The following PHKA1 variants were observed in gnomAD, a reference collection of about 807,000 sequenced individuals.
PHKA1 encodes the protein phosphorylase kinase regulatory subunit alpha 1.
In PHKA1, 60 loss-of-function variants were observed where a neutral mutation model predicts 110.2. The observed-to-expected ratio is 0.54, with a 90% CI of 0.44 to 0.68. The LOEUF (loss-of-function observed/expected upper bound fraction) is 0.68, where lower values mean the gene tolerates loss of function less well. Among genes scored for constraint, PHKA1 ranks in the 30% least tolerant of loss-of-function variants. PHKA1 has a pLI of 0.00. For missense variants in PHKA1, 801 were observed against 942.5 expected, an observed-to-expected ratio of 0.85 and a Z score of 1.97; for synonymous variants, 316 against 333.6, an observed-to-expected ratio of 0.95 and a Z score of 0.58.
chrX:72,605,926 C>T (rs1386747829), intron 23 of PHKA1, among the ~76,000 whole-genome samples: 1 of 112,391 alleles, frequency 8.9e-6, no homozygotes, highest in African/African-American at 3.2e-5. Flanking sequence ...TAGCTTTGAA[C>T]ATTTGACAAG....
intron 17 of PHKA1, among the ~76,000 whole-genome samples, chrX:72,626,755 G>A (rs1193758466): frequency 2.7e-5 from 3 of 111,081 alleles, no homozygotes; most frequent in African/African-American, 1.0e-4. Context: ...TAAAAGTTAT[G>A]TGAACGTAGT....
chrX:72,665,237 A>T (rs960493123), intron 8 of PHKA1, among the ~76,000 whole-genome samples: 1 of 111,909 alleles, frequency 8.9e-6, no homozygotes, highest in Admixed American at 9.5e-5. Flanking sequence ...AGAAATACAA[A>T]GGATTATTAG....
chrX:72,601,232 T>A (rs1250196072), intron 28 of PHKA1, among the ~76,000 whole-genome samples: 1 of 111,969 alleles, frequency 8.9e-6, no homozygotes, highest in Non-Finnish European at 1.9e-5. Flanking sequence ...CTTTTCTACA[T>A]CTTGTTAAAG....
At chrX:72,679,123 C>T in intron 5 of PHKA1, among the ~76,000 whole-genome samples, 1 of 111,515 alleles carries the variant, frequency 9.0e-6, no homozygotes, top group Admixed American at 9.5e-5. Context: ...GGAAAAAATA[C>T]CTAGTGCTCA....
At chrX:72,674,831 C>G (rs1160817936) in intron 6 of PHKA1, among the ~76,000 whole-genome samples, 3 of 111,186 alleles carry the variant, frequency 2.7e-5, no homozygotes, top group African/African-American at 9.8e-5. Flanking sequence ...AAAGAATGAA[C>G]TAAATTTGTC....
chrX:72,612,273 C>T (rs1306836664), intron 21 of PHKA1, among the ~76,000 whole-genome samples: 2 of 111,227 alleles, frequency 1.8e-5, no homozygotes, highest in African/African-American at 6.5e-5. Flanking sequence ...CCCAAGCAAA[C>T]AAATCTATAC....
intron 30 of PHKA1, among the ~76,000 whole-genome samples, chrX:72,583,484 G>A (rs1280012618): frequency 5.4e-5 from 6 of 111,670 alleles, no homozygotes; most frequent in African/African-American, 2.0e-4. Flanking sequence ...CTTGATTAGA[G>A]AAAAGGCCTG....
At chrX:72,679,976 T>G (rs2053826094) in intron 5 of PHKA1, among the ~76,000 whole-genome samples, 1 of 110,936 alleles carries the variant, frequency 9.0e-6, no homozygotes, top group Non-Finnish European at 1.9e-5. Context: ...CCAAGGGATA[T>G]CATAATCGAA....
intron 4 of PHKA1, among the ~76,000 whole-genome samples, chrX:72,687,258 T>C (rs1267592516): frequency 9.0e-6 from 1 of 111,592 alleles, no homozygotes; most frequent in African/African-American, 3.3e-5. Context: ...GGTCTTGGTA[T>C]ATACATATAT....
chrX:72,582,162 G>C (rs1270934320), intron 31 of PHKA1, among the ~76,000 whole-genome samples: 1 of 111,275 alleles, frequency 9.0e-6, no homozygotes, highest in Non-Finnish European at 1.9e-5. Flanking sequence ...AAAGCCTCCT[G>C]AGTTCCAGGC....
intron 4 of PHKA1, among the ~76,000 whole-genome samples, chrX:72,694,174 G>T (rs1167904809): frequency 9.0e-6 from 1 of 111,713 alleles, no homozygotes; most frequent in African/African-American, 3.3e-5. Context: ...TGAAGATCTT[G>T]CATACTACCA....
intron 6 of PHKA1, among the ~76,000 whole-genome samples, chrX:72,667,840 G>A (rs1351577799): frequency 9.0e-6 from 1 of 111,342 alleles, no homozygotes; most frequent in Non-Finnish European, 1.9e-5. Flanking sequence ...GATCATAAAA[G>A]TAAAACACAC....
chrX:72,710,092 GA>G (rs1391043935), intron 2 of PHKA1, among the ~76,000 whole-genome samples: 2 of 107,761 alleles, frequency 1.9e-5, no homozygotes, highest in Admixed American at 1.0e-4. Context: ...TCAGAGTTTG[GA>G]ACCACTCATC....
intron 28 of PHKA1, among the ~76,000 whole-genome samples, chrX:72,595,781 A>C (rs1556233360): frequency 8.9e-6 from 1 of 111,923 alleles, no homozygotes; most frequent in Admixed American, 9.5e-5. Flanking sequence ...GGTTAAAAAA[A>C]CACCCAAAGA....
At chrX:72,712,717 C>T (rs1172151411) in intron 2 of PHKA1, 62 bp downstream of exon 2, 1 of 1,095,954 alleles carries the variant, frequency 9.1e-7, no homozygotes, top group Non-Finnish European at 1.3e-6. Flanking sequence ...TCAGTCCCCA[C>T]TCTGCCCCCA....
chrX:72,651,706 G>A (rs1556299166), intron 12 of PHKA1, among the ~76,000 whole-genome samples: 3 of 111,419 alleles, frequency 2.7e-5, no homozygotes, highest in African/African-American at 9.8e-5. Flanking sequence ...GACTCATTTA[G>A]TAATGTCGAC....
chrX:72,638,818 G>A (rs868949173), intron 14 of PHKA1, among the ~76,000 whole-genome samples: 48 of 112,038 alleles, frequency 4.3e-4, no homozygotes, highest in African/African-American at 1.5e-3. Context: ...CCGTAGAACA[G>A]TGAGACTTCC....
In PHKA1 at chrX:72,666,301, A is replaced by T. The variant is rs1556306391; in HGVS notation, c.718-4T>A. ...GCAGTAGTGAATTTAGGATAGACTAAGAGAAAAGAAGTTAAGTTTATATAA... is the reference window on the plus strand; with the variant it reads ...GCAGTAGTGAATTTAGGATAGACTATGAGAAAAGAAGTTAAGTTTATATAA... On this transcript the variant is annotated splice_polypyrimidine_tract_variant and splice_region_variant and intron_variant, in intron 7 of 31. Coordinates refer to ENST00000373542, the MANE Select transcript of PHKA1 (RefSeq NM_002637.4). 8.3e-7 allele frequency: 1 copy of T among 1,201,923 alleles called. No individual in the cohort carries two copies.
intron 17 of PHKA1, among the ~76,000 whole-genome samples, chrX:72,623,948 T>A (rs1378836245): frequency 3.6e-5 from 4 of 112,009 alleles, no homozygotes; most frequent in Admixed American, 9.5e-5. Flanking sequence ...GAAAGCTCTT[T>A]TTTTTAACAT....
Sources: gnomAD v4.1 joint callset for allele counts (sites outside exome capture counted in the v4.1 genomes callset) on GRCh38, gnomAD v4.1.1 for gene constraint, MANE v1.5 for transcripts, NCBI Gene and HGNC (gene_info 2026-07-23, HGNC 2026-07-21) for gene names.